CSMD2: variants seen among roughly 807,000 people sequenced by gnomAD.
CSMD2 encodes the protein CUB and Sushi multiple domains 2.
Under a neutral mutation model 398.5 loss-of-function variants are expected in CSMD2, and 130 were observed. That is an observed-to-expected ratio of 0.33 (90% confidence interval 0.28 to 0.38). The LOEUF is 0.38. Among genes scored for constraint, CSMD2 ranks in the 10% least tolerant of loss-of-function variants. The pLI, the probability that CSMD2 is intolerant of heterozygous loss-of-function variation, is 1.00. For synonymous variants in CSMD2, 1,828 were observed against 1,908.5 expected (o/e 0.96, Z 1.10); for missense variants, 3,829 against 4,764.9 (o/e 0.80, Z 5.78).
chr1:33,707,693 G>GCA (rs1385022470), intron 22 of CSMD2, among the ~76,000 whole-genome samples: 2 of 46,952 alleles, frequency 4.3e-5, no homozygotes, highest in South Asian at 6.5e-4. Flanking sequence ...ACGCGCGCGC[G>GCA]CGCACACACA....
chr1:33,953,931 C>T (rs1056209187), intron 3 of CSMD2, among the ~76,000 whole-genome samples: 10 of 152,144 alleles, frequency 6.6e-5, no homozygotes, highest in Non-Finnish European at 1.3e-4. Flanking sequence ...AGTACCACTG[C>T]CCAGTGATTC....
At chr1:33,594,054 T>G (rs993096084) in intron 44 of CSMD2, among the ~76,000 whole-genome samples, 1 of 152,196 alleles carries the variant, frequency 6.6e-6, no homozygotes, top group African/African-American at 2.4e-5. Flanking sequence ...TATAAAATAA[T>G]TATTTGTAGT....
At chr1:33,562,273 G>A (rs1201624600) in intron 53 of CSMD2, among the ~76,000 whole-genome samples, 1 of 152,248 alleles carries the variant, frequency 6.6e-6, no homozygotes, top group Non-Finnish European at 1.5e-5. Flanking sequence ...CCCTGGACCA[G>A]GATCAGCAGG....
intron 4 of CSMD2, among the ~76,000 whole-genome samples, chr1:33,934,422 T>C (rs748927702): frequency 6.6e-6 from 1 of 152,054 alleles, no homozygotes; most frequent in Non-Finnish European, 1.5e-5. Context: ...GAGGAGTAAA[T>C]GAGAAGGGAA....
rs760038670 is a variant in CSMD2, at chr1:33,700,668, A to G, written c.3582T>C (p.Tyr1194=). The G allele has an allele frequency of 2.5e-6, 4 of 1,614,192 alleles. No individual in the cohort carries two copies. The highest frequency in any genetic ancestry group is 3.4e-6 in the Non-Finnish European group (4 of 1,180,038). ...AACGGGCGGAGTTGTTGTTGCCATC[A>G]TAAACCTGGACACAGGAGAGACCCC... is the stretch of plus-strand genomic sequence containing the variant. ...ELSEGDVLKV[Y]DGNNNSARLL... Residue 1194 remains tyrosine, a synonymous_variant, in exon 23 of 71, where the codon TAT becomes TAC. Coordinates refer to ENST00000373381, the MANE Select transcript of CSMD2 (RefSeq NM_001281956.2).
chr1:33,592,342 G>C, intron 44 of CSMD2: 1 of 714,424 alleles, frequency 1.4e-6, no homozygotes. Context: ...AGAATCTCTT[G>C]GGTCCTATTT....
chr1:33,735,426 G>A (rs1212008542), intron 15 of CSMD2, among the ~76,000 whole-genome samples: 1 of 152,134 alleles, frequency 6.6e-6, no homozygotes, highest in East Asian at 1.9e-4. Flanking sequence ...AGGTACGCCG[G>A]TGTAGCTGCC....
chr1:33,522,369 G>T (rs917103793), intron 67 of CSMD2, among the ~76,000 whole-genome samples: 1 of 152,202 alleles, frequency 6.6e-6, no homozygotes, highest in Non-Finnish European at 1.5e-5. Flanking sequence ...TGCACTGCTA[G>T]CTCCATGTCC....
intron 4 of CSMD2, among the ~76,000 whole-genome samples, chr1:33,935,273 G>A (rs542696877): frequency 5.3e-4 from 81 of 152,212 alleles, no homozygotes; most frequent in African/African-American, 1.8e-3. Context: ...TTTTCTGGGG[G>A]AGGGGGTTGT....
At chr1:33,890,629 T>C (rs926436258) in intron 5 of CSMD2, among the ~76,000 whole-genome samples, 56 of 152,064 alleles carry the variant, frequency 3.7e-4, no homozygotes, top group African/African-American at 1.3e-3. Flanking sequence ...GGCATCATGC[T>C]ACCTGACTTC....
chr1:33,542,994 G>T, intron 57 of CSMD2, 98 bp from the exon 58 acceptor site: 1 of 956,916 alleles, frequency 1.0e-6, no homozygotes, highest in Non-Finnish European at 1.6e-6. Flanking sequence ...GCTACCTCGG[G>T]ACCTCGTGGA....
chr1:33,847,544 T>C (rs1234594447), intron 5 of CSMD2, among the ~76,000 whole-genome samples: 1 of 152,038 alleles, frequency 6.6e-6, no homozygotes, highest in Non-Finnish European at 1.5e-5. Context: ...TTTGTAGGAA[T>C]AAGTAAGAAA....
Position 33,928,382 on chromosome 1 carries a change from G to A in CSMD2, c.712+7378C>T, listed in dbSNP as rs555207231. On this transcript the variant is annotated intron_variant, in intron 4 of 70. Coordinates refer to ENST00000373381, the MANE Select transcript of CSMD2 (RefSeq NM_001281956.2). The stretch of plus-strand genomic sequence containing the variant: ...TACTTAGTTAGGGCTCAATATGGTG[G>A]CCAGTGAGGCTGTGGCAGTGAGAAT... Among the ~76,000 whole-genome samples, 13 of 152,336 alleles carry A rather than the reference G, an allele frequency of 8.5e-5. No individual in the cohort carries two copies. The South Asian group carries it at 2.7e-3, about 32-fold the overall frequency.
chr1:33,672,849 C>A (rs1417467951), intron 25 of CSMD2, among the ~76,000 whole-genome samples: 20 of 152,222 alleles, frequency 1.3e-4, no homozygotes, highest in Admixed American at 1.3e-3. Flanking sequence ...CCCAGGCAAA[C>A]AGGGTCTGGA....
intron 44 of CSMD2, among the ~76,000 whole-genome samples, chr1:33,591,439 T>C (rs1639448869): frequency 6.6e-6 from 1 of 152,226 alleles, no homozygotes; most frequent in Non-Finnish European, 1.5e-5. Flanking sequence ...TTGTTTCTTG[T>C]CTGTATCTCT....
At chr1:34,076,562 G>A (rs111889734) in intron 2 of CSMD2, among the ~76,000 whole-genome samples, 1,782 of 152,186 alleles carry the variant, frequency 0.012, 31 homozygotes, top group African/African-American at 0.039. Context: ...TCCCCTGGGG[G>A]ACAAAACTGC....
Position 33,633,242 on chromosome 1 carries a change from C to G in CSMD2, c.5200+180G>C, listed in dbSNP as rs182255197. On this transcript the variant is annotated intron_variant, in intron 32 of 70. Coordinates refer to ENST00000373381, the MANE Select transcript of CSMD2 (RefSeq NM_001281956.2). This position sits in a 1 kb window ranked among gnomAD's most constrained non-coding sequence, Gnocchi z 5.0. ...GGGTGAGGGCAGCTGCTGAAGGCCC[C>G]GCTAGTTGGAGCTCTCACGAGCTGG... is the stretch of plus-strand genomic sequence containing the variant. Among the ~76,000 whole-genome samples the G allele has an allele frequency of 7.3e-4, 111 of 152,248 alleles. 1 individual carries two copies. Among genetic ancestry groups the G allele is most frequent in the Non-Finnish European group, 3.2e-4 (22 of 68,022 alleles).
intron 2 of CSMD2, among the ~76,000 whole-genome samples, chr1:34,056,679 A>G (rs2148244375): frequency 6.6e-6 from 1 of 151,234 alleles, no homozygotes; most frequent in South Asian, 2.1e-4. Flanking sequence ...GCTCATAGCT[A>G]TTACAATTAT....
chr1:33,689,012 G>A (rs978773145), intron 25 of CSMD2, among the ~76,000 whole-genome samples: 11 of 151,430 alleles, frequency 7.3e-5, no homozygotes, highest in Admixed American at 2.6e-4. Context: ...GGGTTGAGGC[G>A]GAGGGAGAGG....
Sources: allele counts gnomAD v4.1 joint callset (sites outside exome capture counted in the v4.1 genomes callset), GRCh38; gene constraint gnomAD v4.1.1; non-coding constraint Gnocchi (gnomAD v3.1); transcripts MANE v1.5; gene names NCBI Gene and HGNC (gene_info 2026-07-23, HGNC 2026-07-21).